Variants in BMP10 observed in about 807,000 individuals in gnomAD.
BMP10 encodes the protein bone morphogenetic protein 10.
In BMP10, 9 loss-of-function variants were observed where a neutral mutation model predicts 29.9. That is an observed-to-expected ratio of 0.30 (90% CI 0.18 to 0.53). The LOEUF (loss-of-function observed/expected upper bound fraction) is 0.53. BMP10 is among the 20% of genes least tolerant of loss of function. The pLI, the probability that BMP10 is intolerant of heterozygous loss-of-function variation, is 0.96. For missense variants in BMP10, 474 were observed against 524.3 expected (o/e 0.90, Z 0.94); for synonymous variants, 202 against 200.2 (o/e 1.01, Z -0.07).
chr2:68,866,637 A>AAATAAGCATC, intron 1 of BMP10, 66 bp from the exon 2 acceptor site: 1 of 1,278,534 alleles, frequency 7.8e-7, no homozygotes, highest in Non-Finnish European at 1.1e-6. Context: ...ATGCTTATTT[A>AAATAAGCATC]TGTAATAAGA....
rs374643476 is a variant in BMP10 at position 68,863,145 on chromosome 2, C to T, written c.*2486G>A. Among the ~76,000 whole-genome samples the T allele has an allele frequency of 5.9e-5, 9 of 152,312 alleles. No homozygotes were observed. In the East Asian group the frequency reaches 1.2e-3, roughly 20 times the overall value. On this transcript the variant is annotated 3_prime_UTR_variant, in exon 2 of 2. Transcript: ENST00000295379. ...ATACTAAATGTCAGCGGTGTGCCAGCACCAGTGCACAGCTCCCAAGAGCTG... is the reference window on the plus strand; with the variant it reads ...ATACTAAATGTCAGCGGTGTGCCAGTACCAGTGCACAGCTCCCAAGAGCTG...
rs1682882120 is a variant in BMP10, at chr2:68,862,692, C to G, written c.*2939G>C. On this transcript the variant is annotated 3_prime_UTR_variant, in exon 2 of 2. Coordinates refer to ENST00000295379, the MANE Select transcript of BMP10 (RefSeq NM_014482.3). ...ACCTTTTTAAGGATCTGACAATATT[C>G]TGGCTTCCTGTCAATGCAGGAGTTG... Among the ~76,000 whole-genome samples the G allele has an allele frequency of 6.6e-6, 1 of 152,120 alleles. No individual in the cohort carries two copies. The highest frequency in any genetic ancestry group is 1.5e-5 in the Non-Finnish European group (1 of 68,020).
In BMP10 at chr2:68,871,037, A is replaced by G; in HGVS notation, c.322T>C (p.Phe108Leu). 1 of 1,604,368 alleles carries G rather than the reference A, an allele frequency of 6.2e-7. No individual in the cohort carries two copies. The highest frequency in any genetic ancestry group is 8.5e-7 in the Non-Finnish European group (1 of 1,172,314). The change falls in exon 1 of 2, where the codon TTC (phenylalanine) becomes CTC (leucine). Residue 108 changes from phenylalanine to leucine, a missense_variant. Physicochemically the swap from Phe to Leu is conservative, Grantham distance 22. Around this residue, in one of 2 missense-constraint regions of BMP10, gnomAD observed 408 missense variants for 415.3 expected, o/e 0.98. Transcript: ENST00000295379. Reference sequence around the variant, plus strand: ...AGCAAAAACTTACCTTCATTCTTGAAACTCCTAATGATGTTGGCAGAGGGC... The same window carrying G: ...AGCAAAAACTTACCTTCATTCTTGAGACTCCTAATGATGTTGGCAGAGGGC... The part of the protein sequence containing the change: ...SMPSANIIRS[F>L]KNEDLFSQPV...
intron 1 of BMP10, among the ~76,000 whole-genome samples, chr2:68,869,837 T>C (rs2103811442): frequency 6.6e-6 from 1 of 152,378 alleles, no homozygotes; most frequent in African/African-American, 2.4e-5. Context: ...TTTATTCCAG[T>C]ACCTAGAATA....
rs1445221302 is a variant in BMP10 at position 68,862,083 on chromosome 2, GC to G, written c.*3547del. On this transcript the variant is annotated 3_prime_UTR_variant, in exon 2 of 2. Coordinates refer to ENST00000295379, the MANE Select transcript of BMP10 (RefSeq NM_014482.3). ...TGAGTAGCAATCACATTCTCTCACA[GC>G]CTGACAATATTTGCTTCTCATGATA... Among the ~76,000 whole-genome samples, 2 of 152,162 alleles carry G rather than the reference GC, an allele frequency of 1.3e-5. No homozygotes were observed. Among genetic ancestry groups the G allele is most frequent in the African/African-American group, 4.8e-5 (2 of 41,412 alleles).
rs35312633 is a variant in BMP10, at chr2:68,864,092, C to T, written c.*1539G>A. Among the ~76,000 whole-genome samples the T allele has an allele frequency of 0.047, 7,140 of 152,196 alleles. 198 individuals are homozygous for T. Among genetic ancestry groups the T allele is most frequent in the East Asian group, 0.1 (534 of 5,166 alleles). On this transcript the variant is annotated 3_prime_UTR_variant, in exon 2 of 2. Transcript: ENST00000295379. ...GCTGCCACCTGCCAGGAAAACCCAC[C>T]GGACCCTTCCTGTGCAGAACACTTC...
rs564102063 is a variant in BMP10, at chr2:68,862,852, T to C, written c.*2779A>G. Among the ~76,000 whole-genome samples, 7 of 152,338 alleles carry C rather than the reference T, an allele frequency of 4.6e-5. No individual in the cohort carries two copies. The highest frequency in any genetic ancestry group is 1.7e-4 in the African/African-American group (7 of 41,584). ...ATTTGAATAACAATATGTTGCTCTC[T>C]GCACTCCCTTTCCACAGGGAAGCAG... On this transcript the variant is annotated 3_prime_UTR_variant, in exon 2 of 2. Coordinates refer to ENST00000295379, the MANE Select transcript of BMP10 (RefSeq NM_014482.3).
At position 68,866,506 on chromosome 2, in the gene BMP10, T is replaced by G; in HGVS notation, c.400A>C (p.Ile134Leu). 1 of 1,613,862 alleles carries G rather than the reference T, an allele frequency of 6.2e-7. No individual in the cohort carries two copies. The stretch of plus-strand genomic sequence containing the variant: ...ATGATGACCTCTTCATGGTGAGGAA[T>G]GGACACATTGAAGAGGAGGGGGTAT... ...RKYPLLFNVS[I>L]PHHEEVIMAE... The change falls in exon 2 of 2, where the codon ATT becomes CTT. Residue 134 changes from isoleucine (I) to leucine (L), a missense_variant. This residue lies in a region of BMP10 where 408 missense variants were observed against 415.3 expected (regional missense o/e 0.98). Coordinates refer to ENST00000295379, the MANE Select transcript of BMP10 (RefSeq NM_014482.3).
chr2:68,865,408 A>G lies in BMP10; in HGVS notation c.*223T>C, dbSNP rs764568858. The G allele has an allele frequency of 1.4e-5, 8 of 551,892 alleles. No homozygotes were observed. The highest frequency in any genetic ancestry group is 2.2e-5 in the Non-Finnish European group (7 of 314,668). 34.2% of individuals were successfully genotyped at this position (551,892 alleles called of 1,614,324 possible). On this transcript the variant is annotated 3_prime_UTR_variant, in exon 2 of 2. Coordinates refer to ENST00000295379, the MANE Select transcript of BMP10 (RefSeq NM_014482.3). This position sits in a 1 kb window ranked among gnomAD's most constrained non-coding sequence, Gnocchi z 4.7. Reference sequence around the variant, plus strand: ...TTGCCTAGGGGTTGTTTTCAAATCAACAGGGAGGTGGCATTGCCAGGAAAT... The same window carrying G: ...TTGCCTAGGGGTTGTTTTCAAATCAGCAGGGAGGTGGCATTGCCAGGAAAT...
In BMP10 at chr2:68,861,900, A is replaced by T. The variant is rs1213823796; in HGVS notation, c.*3731T>A. ...GACTCTTTTGGAAATCACTAAGCTA[A>T]CATTTTTGACATTTACAAAGTAATT... On this transcript the variant is annotated 3_prime_UTR_variant, in exon 2 of 2. Coordinates refer to ENST00000295379, the MANE Select transcript of BMP10 (RefSeq NM_014482.3). Among the ~76,000 whole-genome samples, 7 of 152,214 alleles carry T rather than the reference A, an allele frequency of 4.6e-5. No homozygotes were observed. Among genetic ancestry groups the T allele is most frequent in the African/African-American group, 1.7e-4 (7 of 41,458 alleles).
At position 68,861,794 on chromosome 2, in the gene BMP10, T is replaced by C. The variant is rs1573682008; in HGVS notation, c.*3837A>G. Among the ~76,000 whole-genome samples, 1 of 151,470 alleles carries C rather than the reference T, an allele frequency of 6.6e-6. No homozygotes were observed. Among genetic ancestry groups the C allele is most frequent in the African/African-American group, 2.4e-5 (1 of 41,382 alleles). On this transcript the variant is annotated 3_prime_UTR_variant, in exon 2 of 2. Coordinates refer to ENST00000295379, the MANE Select transcript of BMP10 (RefSeq NM_014482.3). ...CAAATACTGAAACATTTAGTAACAG[T>C]TCTTAAAAAAAAAAGGTTTTTGTCA...
intron 1 of BMP10, 125 bp from the exon 2 acceptor site, chr2:68,866,696 A>C: frequency 1.3e-5 from 9 of 716,522 alleles, no homozygotes; most frequent in Non-Finnish European, 1.8e-5. Context: ...AAGGGAGAAA[A>C]TCAATGAGAA....
rs2103805286 is a variant in BMP10 at position 68,865,908 on chromosome 2, T to C, written c.998A>G (p.Lys333Arg). ...GATCCAGGAGTCCCACCCAATCTCC[T>C]TGAAGTCGATGTAGAGCGGGGTCCT... ...CKRTPLYIDF[K>R]EIGWDSWIIA... The change falls in exon 2 of 2, where the codon AAG becomes AGG. Residue 333 changes from lysine to arginine, a missense_variant. Coordinates refer to ENST00000295379, the MANE Select transcript of BMP10 (RefSeq NM_014482.3). The surrounding 1 kb of genome is among the most constrained non-coding windows in gnomAD (Gnocchi z 4.7). The C allele has an allele frequency of 6.2e-7, 1 of 1,614,086 alleles. No homozygotes were observed. The highest frequency in any genetic ancestry group is 1.6e-4 in the Middle Eastern group (1 of 6,062).
chr2:68,865,554 T>A lies in BMP10; in HGVS notation c.*77A>T. ...AGCAAGCCTCTATTACTGTACACCCTTATTAAATAATCTCATTAAATAGGA... is the reference window on the plus strand; with the variant it reads ...AGCAAGCCTCTATTACTGTACACCCATATTAAATAATCTCATTAAATAGGA... On this transcript the variant is annotated 3_prime_UTR_variant, in exon 2 of 2. Transcript: ENST00000295379. The surrounding 1 kb of genome is among the most constrained non-coding windows in gnomAD (Gnocchi z 4.7). 1.4e-6 allele frequency: 2 copies of A among 1,413,580 alleles called. No individual in the cohort carries two copies. Among genetic ancestry groups the A allele is most frequent in the Non-Finnish European group, 1.9e-6 (2 of 1,028,058 alleles). 87.6% of individuals were successfully genotyped at this position (1,413,580 alleles called of 1,614,324 possible). A position where few individuals can be genotyped will look rare whatever the true frequency, so the allele number is the denominator to read the frequency against.
In BMP10 at chr2:68,861,110, G is replaced by A. The variant is rs1008587640; in HGVS notation, c.*4521C>T. ...CTCTGAAGGTACACATTTGGTTCAT[G>A]AACACAGGGTAAAATATTTATTTCC... On this transcript the variant is annotated 3_prime_UTR_variant, in exon 2 of 2. Transcript: ENST00000295379. Among the ~76,000 whole-genome samples the A allele has an allele frequency of 6.6e-6, 1 of 152,144 alleles. No individual in the cohort carries two copies. The highest frequency in any genetic ancestry group is 2.4e-5 in the African/African-American group (1 of 41,428).
Position 68,863,461 on chromosome 2 carries a change from A to G in BMP10, c.*2170T>C, listed in dbSNP as rs1014021504. 2.0e-5 allele frequency among the ~76,000 whole-genome samples: 3 copies of G among 152,208 alleles called. No individual in the cohort carries two copies. Among genetic ancestry groups the G allele is most frequent in the Non-Finnish European group, 4.4e-5 (3 of 68,036 alleles). On this transcript the variant is annotated 3_prime_UTR_variant, in exon 2 of 2. Transcript: ENST00000295379. ...AGTACCTTGGAGTATGTGAGTATAC[A>G]TTGTGTACCATGGAGTATGAAGGAT...
In BMP10 at chr2:68,861,299, G is replaced by A. The variant is rs953016464; in HGVS notation, c.*4332C>T. Reference sequence around the variant, plus strand: ...GTAGGCGGGCGCTGGCACATTGGCCGCCCCACCACTATCAAGCCAGGTGCT... The same window carrying A: ...GTAGGCGGGCGCTGGCACATTGGCCACCCCACCACTATCAAGCCAGGTGCT... On this transcript the variant is annotated 3_prime_UTR_variant, in exon 2 of 2. Transcript: ENST00000295379. Among the ~76,000 whole-genome samples the A allele has an allele frequency of 2.0e-5, 3 of 152,150 alleles. No individual in the cohort carries two copies. Among genetic ancestry groups the A allele is most frequent in the Non-Finnish European group, 4.4e-5 (3 of 68,038 alleles).
intron 1 of BMP10, among the ~76,000 whole-genome samples, chr2:68,867,772 G>A (rs2312076): frequency 0.73 from 111,516 of 151,826 alleles, 41,434 homozygotes; most frequent in East Asian, 0.87. Context: ...TCATGATCTC[G>A]GTGAGTCCCT....
rs1682929383 is a variant in BMP10, at chr2:68,865,335, G to A, written c.*296C>T. On this transcript the variant is annotated 3_prime_UTR_variant, in exon 2 of 2. Coordinates refer to ENST00000295379, the MANE Select transcript of BMP10 (RefSeq NM_014482.3). The surrounding 1 kb of genome is among the most constrained non-coding windows in gnomAD (Gnocchi z 4.7). ...AACCAAAAGATTTTTGTAAGTTCAT[G>A]TATGTACAAATATACATACACAAGT... 5.3e-6 allele frequency: 2 copies of A among 375,352 alleles called. No individual in the cohort carries two copies. Among genetic ancestry groups the A allele is most frequent in the South Asian group, 4.9e-5 (1 of 20,220 alleles). 23.3% of individuals were successfully genotyped at this position (375,352 alleles called of 1,614,324 possible).
Sources: allele counts gnomAD v4.1 joint callset (sites outside exome capture counted in the v4.1 genomes callset), GRCh38; gene constraint gnomAD v4.1.1; regional missense constraint gnomAD v4.1.1; non-coding constraint Gnocchi (gnomAD v3.1); transcripts MANE v1.5; gene names NCBI Gene and HGNC (gene_info 2026-07-23, HGNC 2026-07-21).